Variants in LMBRD1 observed in about 807,000 individuals in gnomAD.
LMBRD1 encodes LMBR1 domain containing 1, also known as lysosomal cobalamin transport escort protein LMBD1.
A neutral mutation model predicts 74.8 loss-of-function variants in LMBRD1; 64 were observed. The observed-to-expected ratio is 0.86, with a 90% confidence interval of 0.70 to 1.05. The LOEUF (loss-of-function observed/expected upper bound fraction) is 1.05. Among genes scored for constraint, LMBRD1 ranks in the 50% least tolerant of loss-of-function variants. LMBRD1 has a pLI of 0.00. For missense variants in LMBRD1, 652 were observed against 645.9 expected, an observed-to-expected ratio of 1.01 and a Z score of -0.10; for synonymous variants, 204 against 216.3, an observed-to-expected ratio of 0.94 and a Z score of 0.50.
rs2445969 is a variant in LMBRD1, at chr6:69,701,265, G to A, written c.1083+178C>T. On this transcript the variant is annotated intron_variant, in intron 11 of 15. Coordinates refer to ENST00000649934, the MANE Select transcript of LMBRD1 (RefSeq NM_018368.4). The stretch of plus-strand genomic sequence containing the variant: ...ATATGATATTTAAAGCAACATGTCA[G>A]TGTGTAAATTACAGGCAAATAAAAA... 0.9 allele frequency among the ~76,000 whole-genome samples: 136,922 copies of A among 151,772 alleles called. 62,970 individuals carry two copies. Among genetic ancestry groups the A allele is most frequent in the Non-Finnish European group, 0.99 (67,035 of 67,780 alleles).
intron 2 of LMBRD1, among the ~76,000 whole-genome samples, chr6:69,784,223 A>G (rs1356705127): frequency 6.6e-6 from 1 of 152,270 alleles, no homozygotes; most frequent in South Asian, 2.1e-4. Context: ...TTAGGACACA[A>G]AAGAATGTGA....
chr6:69,719,918 G>T (rs1037813502), intron 7 of LMBRD1, among the ~76,000 whole-genome samples: 10 of 152,198 alleles, frequency 6.6e-5, no homozygotes, highest in African/African-American at 2.4e-4. Flanking sequence ...TCAGGACAAT[G>T]AATGTGAGCA....
chr6:69,712,716 G>C (rs1766410173), intron 9 of LMBRD1, among the ~76,000 whole-genome samples: 1 of 152,066 alleles, frequency 6.6e-6, no homozygotes, highest in Non-Finnish European at 1.5e-5. Context: ...AGTTACCAGG[G>C]AATGCAGAAA....
chr6:69,692,836 C>T (rs17503698), intron 14 of LMBRD1, among the ~76,000 whole-genome samples: 9,716 of 151,990 alleles, frequency 0.064, 458 homozygotes, highest in Non-Finnish European at 0.083. Flanking sequence ...TATCCAAGTC[C>T]ATTAGGCTAC....
chr6:69,776,106 T>C lies in LMBRD1; in HGVS notation c.307+4388A>G, dbSNP rs143775485. 4.8e-3 allele frequency among the ~76,000 whole-genome samples: 728 copies of C among 152,372 alleles called. 8 individuals carry two copies. The highest frequency in any genetic ancestry group is 0.017 in the Middle Eastern group (5 of 294). On this transcript the variant is annotated intron_variant, in intron 3 of 15. Coordinates refer to ENST00000649934, the MANE Select transcript of LMBRD1 (RefSeq NM_018368.4). ...TATGTGTCAACATTCAGAAGACCTA[T>C]ATTATTCACTGAACAAATATTTTCC...
At chr6:69,747,639 A>G (rs145780164) in intron 5 of LMBRD1, among the ~76,000 whole-genome samples, 112 of 152,314 alleles carry the variant, frequency 7.4e-4, no homozygotes, top group African/African-American at 2.6e-3. Context: ...CTCCTATCAG[A>G]GCACTTAAAC....
intron 14 of LMBRD1, among the ~76,000 whole-genome samples, chr6:69,684,570 T>G (rs1231088060): frequency 6.6e-6 from 1 of 152,060 alleles, no homozygotes; most frequent in Non-Finnish European, 1.5e-5. Flanking sequence ...ACAGAATACT[T>G]TTCAGATATA....
At chr6:69,772,678 T>A (rs1382798025) in intron 3 of LMBRD1, among the ~76,000 whole-genome samples, 2 of 152,196 alleles carry the variant, frequency 1.3e-5, no homozygotes, top group East Asian at 3.9e-4. Flanking sequence ...AGGACAGAAC[T>A]GTATCTTATC....
intron 9 of LMBRD1, among the ~76,000 whole-genome samples, chr6:69,710,251 G>A (rs992942159): frequency 6.6e-5 from 10 of 151,786 alleles, no homozygotes; most frequent in African/African-American, 2.4e-4. Flanking sequence ...AAGCCAATGA[G>A]CAAAGGATAG....
At chr6:69,744,325 A>G (rs1767170946) in intron 5 of LMBRD1, among the ~76,000 whole-genome samples, 1 of 152,228 alleles carries the variant, frequency 6.6e-6, no homozygotes, top group South Asian at 2.1e-4. Flanking sequence ...AGCTTGTGAG[A>G]GTTATTTATA....
intron 15 of LMBRD1, 44 bp downstream of exon 15, chr6:69,676,406 T>C (rs1179641511): frequency 6.3e-7 from 1 of 1,590,628 alleles, no homozygotes; most frequent in Non-Finnish European, 8.6e-7. Flanking sequence ...TTAACTATAA[T>C]TTATAAAGGA....
intron 3 of LMBRD1, among the ~76,000 whole-genome samples, chr6:69,766,202 T>A (rs772211912): frequency 3.3e-5 from 5 of 152,016 alleles, no homozygotes; most frequent in Non-Finnish European, 7.4e-5. Context: ...TAGTACAATG[T>A]TAAATAGCAG....
Position 69,719,072 on chromosome 6 carries a change from T to C in LMBRD1, c.646A>G (p.Met216Val), listed in dbSNP as rs1346660888. ...LAAITYTAYG[M>V]SALPLNLIKG... ...ATCAGATTTAAAGGTAACGCAGACA[T>C]GCCATAGGCCTAAAAGAAAAACAAT... The change falls in exon 8 of 16, where the codon ATG becomes GTG. Residue 216 changes from methionine (M) to valine (V), a missense_variant. Physicochemically the swap from Met to Val is conservative, Grantham distance 21. Coordinates refer to ENST00000649934, the MANE Select transcript of LMBRD1 (RefSeq NM_018368.4). 2.5e-6 allele frequency: 4 copies of C among 1,612,840 alleles called. No homozygotes were observed. Among genetic ancestry groups the C allele is most frequent in the Admixed American group, 3.3e-5 (2 of 59,914 alleles).
chr6:69,792,011 C>G (rs533796662), intron 1 of LMBRD1, among the ~76,000 whole-genome samples: 2 of 152,322 alleles, frequency 1.3e-5, no homozygotes, highest in South Asian at 4.1e-4. Context: ...CTACCAGCAC[C>G]ATGGCAGTTC....
At chr6:69,757,370 G>C (rs974435448) in intron 3 of LMBRD1, among the ~76,000 whole-genome samples, 1 of 152,124 alleles carries the variant, frequency 6.6e-6, no homozygotes, top group East Asian at 1.9e-4. Context: ...TCAACATCTG[G>C]GGAAATGAAG....
At chr6:69,712,027 CCT>C (rs1766394377) in intron 9 of LMBRD1, among the ~76,000 whole-genome samples, 4 of 152,036 alleles carry the variant, frequency 2.6e-5, no homozygotes, top group Admixed American at 1.3e-4. Flanking sequence ...GTGTTGTTCC[CCT>C]CTGTCTGTCC....
chr6:69,714,779 C>T (rs902311207), intron 8 of LMBRD1, among the ~76,000 whole-genome samples: 22 of 152,068 alleles, frequency 1.4e-4, no homozygotes, highest in African/African-American at 5.1e-4. Flanking sequence ...TACACAGTTA[C>T]AACAATCTCT....
intron 14 of LMBRD1, among the ~76,000 whole-genome samples, chr6:69,693,391 G>A (rs1303240494): frequency 2.0e-5 from 3 of 151,698 alleles, no homozygotes; most frequent in African/African-American, 4.8e-5. Context: ...ATGTCAGATC[G>A]CCTCATATAT....
intron 9 of LMBRD1, among the ~76,000 whole-genome samples, chr6:69,709,802 C>G (rs1371141838): frequency 6.6e-6 from 1 of 152,052 alleles, no homozygotes; most frequent in African/African-American, 2.4e-5. Context: ...ATTTGCAAGA[C>G]TATAAAAAAT....
Sources: allele counts gnomAD v4.1 joint callset (sites outside exome capture counted in the v4.1 genomes callset), GRCh38; gene constraint gnomAD v4.1.1; transcripts MANE v1.5; gene names NCBI Gene and HGNC (gene_info 2026-07-23, HGNC 2026-07-21).